The following EIPR1 variants were observed in gnomAD, a reference collection of about 807,000 sequenced individuals.
The protein encoded by EIPR1 is EARP complex and GARP complex interacting protein 1.
In EIPR1, 25 loss-of-function variants were observed where a neutral mutation model predicts 48.1. That is an observed-to-expected ratio of 0.52 (90% CI 0.38 to 0.73). The LOEUF is 0.73. Ranked by LOEUF, EIPR1 falls within the 30% of genes least tolerant of loss-of-function variation. EIPR1 has a pLI of 0.00. For missense variants in EIPR1, 415 were observed against 506.2 expected (o/e 0.82, Z 1.73); for synonymous variants, 204 against 201.9 (o/e 1.01, Z -0.09).
At chr2:3,338,296 T>A in intron 2 of EIPR1, 147 bp from the exon 3 acceptor site, 1 of 941,910 alleles carries the variant, frequency 1.1e-6, no homozygotes, top group Non-Finnish European at 1.5e-6. Context: ...CAGTATGTGC[T>A]TCTATAATTT....
At chr2:3,261,653 G>A (rs987030511) in intron 3 of EIPR1, 16 of 152,218 alleles carry the variant, frequency 1.1e-4, no homozygotes, top group African/African-American at 3.4e-4. Flanking sequence ...ACTGTCCTCC[G>A]GCCCGAGTGG....
intron 2 of EIPR1, among the ~76,000 whole-genome samples, chr2:3,338,821 T>G (rs1027628236): frequency 2.0e-5 from 3 of 152,230 alleles, no homozygotes; most frequent in Non-Finnish European, 4.4e-5. Flanking sequence ...GGATAACTTT[T>G]AGAGGAATTA....
At chr2:3,218,125 C>G (rs1202627163) in intron 4 of EIPR1, among the ~76,000 whole-genome samples, 2 of 151,920 alleles carry the variant, frequency 1.3e-5, no homozygotes, top group Non-Finnish European at 2.9e-5. Flanking sequence ...GGTGCACACC[C>G]AACACGGCCC....
chr2:3,197,659 T>C (rs1275219962), intron 5 of EIPR1, among the ~76,000 whole-genome samples: 3 of 152,248 alleles, frequency 2.0e-5, no homozygotes, highest in South Asian at 2.1e-4. Flanking sequence ...TAGGATTTCA[T>C]GCACAAAGGC....
chr2:3,217,105 G>C (rs1665664302), intron 4 of EIPR1, among the ~76,000 whole-genome samples: 1 of 152,186 alleles, frequency 6.6e-6, no homozygotes, highest in South Asian at 2.1e-4. Context: ...AAAAGGGGTG[G>C]CTCTAAACAG....
At chr2:3,220,079 T>A (rs1665826413) in intron 4 of EIPR1, among the ~76,000 whole-genome samples, 1 of 152,186 alleles carries the variant, frequency 6.6e-6, no homozygotes, top group Admixed American at 6.5e-5. Context: ...CTTATGAGAA[T>A]CTAATGCCTG....
Position 3,338,009 on chromosome 2 carries a change from G to T in EIPR1, c.259+8C>A. On this transcript the variant is annotated splice_region_variant and intron_variant, in intron 3 of 8. Transcript: ENST00000382125. ...AGTTAGCAAGTACCTTAGAAAAGCC[G>T]CACTTACTTCTGTTGTAGCAGGTCG... is the stretch of plus-strand genomic sequence containing the variant. 6.3e-7 allele frequency: 1 copy of T among 1,585,462 alleles called. No homozygotes were observed.
intron 2 of EIPR1, among the ~76,000 whole-genome samples, chr2:3,347,510 A>G (rs1670437807): frequency 6.6e-6 from 1 of 152,068 alleles, no homozygotes; most frequent in Non-Finnish European, 1.5e-5. Flanking sequence ...GCCTTCCACC[A>G]TGATTGTGAG....
At chr2:3,287,798 C>CTCCAGAAAGCTCATTCACT (rs1668246937) in intron 3 of EIPR1, among the ~76,000 whole-genome samples, 1 of 147,796 alleles carries the variant, frequency 6.8e-6, no homozygotes, top group Non-Finnish European at 1.5e-5. Flanking sequence ...GCTCATTCAC[C>CTCCAGAAAGCTCATTCACT]ATGCTCTAGA....
intron 3 of EIPR1, among the ~76,000 whole-genome samples, chr2:3,302,657 T>C (rs1232825148): frequency 6.6e-6 from 1 of 152,240 alleles, no homozygotes; most frequent in Admixed American, 6.5e-5. Context: ...GCAGTGGCCA[T>C]TGCCAGAAGC....
chr2:3,319,646 G>A lies in EIPR1; in HGVS notation c.259+18371C>T, dbSNP rs73913315. The A allele has an allele frequency of 1.0e-4, 17 of 169,126 alleles. No individual in the cohort carries two copies. In the East Asian group the frequency reaches 1.6e-3, roughly 16 times the overall value. 10.5% of individuals were successfully genotyped at this position (169,126 alleles called of 1,614,324 possible). A position where few individuals can be genotyped will look rare whatever the true frequency, so the allele number is the denominator to read the frequency against. ...CGAGGCTGTTCTGTCCACCACGCCC[G>A]GTGTGCTCTTCCTCCCTCCAGCAAA... is the stretch of plus-strand genomic sequence containing the variant. On this transcript the variant is annotated intron_variant, in intron 3 of 8. Coordinates refer to ENST00000382125, the MANE Select transcript of EIPR1 (RefSeq NM_003310.5).
intron 6 of EIPR1, 192 bp from the exon 7 acceptor site, chr2:3,194,358 T>C: frequency 5.1e-6 from 3 of 583,374 alleles, no homozygotes; most frequent in Non-Finnish European, 8.9e-6. Context: ...CCCTGTGTGG[T>C]CGCACCACGC....
At chr2:3,295,397 T>TAC (rs1668529972) in intron 3 of EIPR1, among the ~76,000 whole-genome samples, 3 of 88,126 alleles carry the variant, frequency 3.4e-5, no homozygotes, top group East Asian at 3.8e-4. Context: ...CTATCCTCTC[T>TAC]ACACACACAC....
chr2:3,257,421 C>T lies in EIPR1; in HGVS notation c.294G>A (p.Val98=). ...ATTCCAATTCCTTCGGCATCCTCCA[C>T]ACGGCTGCACATGTCAGGACTTTGC... The part of the protein sequence containing the change: ...SDSKVLTCAA[V]WRMPKELESG... The change falls in exon 4 of 9, where the codon GTG becomes GTA. Residue 98 remains valine (V), a synonymous_variant. Transcript: ENST00000382125. 1 of 1,614,216 alleles carries T rather than the reference C, an allele frequency of 6.2e-7. No individual in the cohort carries two copies. Among genetic ancestry groups the T allele is most frequent in the Non-Finnish European group, 8.5e-7 (1 of 1,180,046 alleles).
intron 5 of EIPR1, among the ~76,000 whole-genome samples, chr2:3,199,072 G>C (rs6548127): frequency 0.15 from 3,364 of 22,440 alleles, 371 homozygotes; most frequent in Middle Eastern, 0.31. Flanking sequence ...CCCCCCCCCC[G>C]CCCCGGGAAT....
At chr2:3,275,202 A>C (rs1478922075) in intron 3 of EIPR1, among the ~76,000 whole-genome samples, 1 of 150,196 alleles carries the variant, frequency 6.7e-6, no homozygotes, top group Non-Finnish European at 1.5e-5. Flanking sequence ...AGGAAGGCAA[A>C]GAACAGAAAA....
At chr2:3,195,578 T>C (rs1286033874) in intron 6 of EIPR1, among the ~76,000 whole-genome samples, 1 of 152,224 alleles carries the variant, frequency 6.6e-6, no homozygotes, top group Non-Finnish European at 1.5e-5. Flanking sequence ...TTTAAATCTT[T>C]CAAGGGAAAC....
In EIPR1 at chr2:3,193,999, C is replaced by T. The variant is rs1245764226; in HGVS notation, c.821G>A (p.Trp274Ter). ...PVKTLEEHSHWVWNVRYNHSH... is the reference protein window; with the variant it reads ...PVKTLEEHSH Reference sequence around the variant, plus strand: ...CTGAAGCAGCCAGGAGCGGCCCTACCAGTGGGAGTGCTCCTCCAGGGTCTT... The same window carrying T: ...CTGAAGCAGCCAGGAGCGGCCCTACTAGTGGGAGTGCTCCTCCAGGGTCTT... Residue 274 changes from tryptophan (W) to a stop codon, truncating the protein, a stop_gained and splice_region_variant, in exon 7 of 9, where the codon TGG (tryptophan) becomes TAG (stop). Coordinates refer to ENST00000382125, the MANE Select transcript of EIPR1 (RefSeq NM_003310.5). LOFTEE classifies it high-confidence loss of function. 1 of 1,613,446 alleles carries T rather than the reference C, an allele frequency of 6.2e-7. No homozygotes were observed. Among genetic ancestry groups the T allele is most frequent in the African/African-American group, 1.3e-5 (1 of 74,914 alleles).
intron 4 of EIPR1, among the ~76,000 whole-genome samples, chr2:3,240,517 A>C (rs1291871990): frequency 6.7e-6 from 1 of 148,840 alleles, no homozygotes; most frequent in East Asian, 2.0e-4. Context: ...GATCCCTCCT[A>C]AAGCAAAGCC....
Sources: gnomAD v4.1 joint callset for allele counts (sites outside exome capture counted in the v4.1 genomes callset) on GRCh38, gnomAD v4.1.1 for gene constraint, MANE v1.5 for transcripts, NCBI Gene and HGNC (gene_info 2026-07-23, HGNC 2026-07-21) for gene names.